ABI3: variants seen among roughly 807,000 people sequenced by gnomAD.
ABI3 encodes ABI family member 3.
ABI3 carries 24 observed loss-of-function variants against 37.0 expected under a neutral mutation model. The ratio of observed to expected loss-of-function variants is 0.65; its 90% CI spans 0.47 to 0.91. ABI3 has a LOEUF of 0.91. Ranked by LOEUF, ABI3 falls within the 40% of genes least tolerant of loss-of-function variation. The pLI is 0.00. For missense variants in ABI3, 481 were observed against 485.1 expected (o/e 0.99, Z 0.08); for synonymous variants, 220 against 211.8 (o/e 1.04, Z -0.34).
At chr17:49,214,791 CCAGTGCCTGGCA>C (rs1418856145) in intron 1 of ABI3, among the ~76,000 whole-genome samples, 2 of 152,220 alleles carry the variant, frequency 1.3e-5, no homozygotes, top group African/African-American at 4.8e-5. Flanking sequence ...GTGACCCTGG[CCAGTGCCTGGCA>C]CAGTGCCTAG....
intron 7 of ABI3, 87 bp from the exon 8 acceptor site, chr17:49,222,465 G>C: frequency 1.3e-6 from 2 of 1,521,942 alleles, no homozygotes; most frequent in South Asian, 2.4e-5. Flanking sequence ...TCTAGTACTT[G>C]AGACCGTGCA....
At chr17:49,220,861 T>C (rs927951146) in intron 6 of ABI3, among the ~76,000 whole-genome samples, 5 of 138,650 alleles carry the variant, frequency 3.6e-5, no homozygotes, top group African/African-American at 5.5e-5. Context: ...ATAATAATAA[T>C]AATAATAATA....
At chr17:49,214,408 C>A (rs774880949) in intron 1 of ABI3, among the ~76,000 whole-genome samples, 1 of 151,952 alleles carries the variant, frequency 6.6e-6, no homozygotes, top group Non-Finnish European at 1.5e-5. Flanking sequence ...GATCTGGGAC[C>A]AACAAAAAAA....
At chr17:49,213,504 A>C (rs2043189994) in intron 1 of ABI3, among the ~76,000 whole-genome samples, 1 of 151,994 alleles carries the variant, frequency 6.6e-6, no homozygotes. Context: ...CACCACCCAG[A>C]TGCTAGGAAA....
intron 1 of ABI3, among the ~76,000 whole-genome samples, chr17:49,215,508 T>C (rs143647659): frequency 4.3e-4 from 66 of 151,966 alleles, no homozygotes; most frequent in African/African-American, 1.5e-3. Context: ...TTTTTTTGGT[T>C]TGATTTTGAG....
In ABI3 at chr17:49,210,876, C is replaced by G. The variant is rs558232443; in HGVS notation, c.117+35C>G. The G allele has an allele frequency of 6.6e-7, 1 of 1,518,290 alleles. No homozygotes were observed. Among genetic ancestry groups the G allele is most frequent in the Non-Finnish European group, 8.9e-7 (1 of 1,119,634 alleles). The allele number at this position is 1,518,290 out of a possible 1,614,324, so 94.1% of individuals were successfully genotyped here. ...GCGGGCGGAAGCCTGACACCCCAGC[C>G]CCCGGAGGGGGGACCCTGAGCCCTG... is the stretch of plus-strand genomic sequence containing the variant. On this transcript the variant is annotated intron_variant, in intron 1 of 7. Transcript: ENST00000225941. This position sits in a 1 kb window ranked among gnomAD's most constrained non-coding sequence, Gnocchi z 4.2.
chr17:49,220,285 A>G lies in ABI3; in HGVS notation c.761A>G (p.Gln254Arg), dbSNP rs760712996. 2.5e-6 allele frequency: 4 copies of G among 1,602,980 alleles called. No individual in the cohort carries two copies. The highest frequency in any genetic ancestry group is 3.4e-6 in the Non-Finnish European group (4 of 1,175,338). ...PPPPAAVEVF[Q>R]RPPTLEELSP... is the part of the protein sequence containing the mutation. ...CCACCAGCAGCCGTCGAGGTGTTCC[A>G]GCGGCCTCCCACGCTGGAGGAGTTG... The change falls in exon 6 of 8, where the codon CAG (glutamine) becomes CGG (arginine). Residue 254 changes from glutamine to arginine, a missense_variant. Transcript: ENST00000225941.
chr17:49,216,498 C>T, intron 1 of ABI3, 33 bp from the exon 2 acceptor site: 3 of 1,480,962 alleles, frequency 2.0e-6, no homozygotes, highest in African/African-American at 1.4e-5. Context: ...GTGGAAGATG[C>T]TGGCCCTTAG....
At position 49,219,135 on chromosome 17, in the gene ABI3, C is replaced by T. The variant is rs1054634231; in HGVS notation, c.463-405C>T. On this transcript the variant is annotated intron_variant, in intron 3 of 7. Transcript: ENST00000225941. This position sits in a 1 kb window ranked among gnomAD's most constrained non-coding sequence, Gnocchi z 4.3. ...CCCCAAAGCCAGTTCCACAAATCTT[C>T]GAAAATGAAAGGTGGGACACTTCTA... is the stretch of plus-strand genomic sequence containing the variant. Among the ~76,000 whole-genome samples, 1 of 152,130 alleles carries T rather than the reference C, an allele frequency of 6.6e-6. No homozygotes were observed. Among genetic ancestry groups the T allele is most frequent in the South Asian group, 2.1e-4 (1 of 4,836 alleles).
intron 3 of ABI3, among the ~76,000 whole-genome samples, chr17:49,218,157 G>A (rs1567883178): frequency 6.6e-6 from 1 of 152,104 alleles, no homozygotes; most frequent in East Asian, 1.9e-4. Flanking sequence ...AGCACCCCTC[G>A]CCCCCCCGCC....
intron 7 of ABI3, 39 bp from the exon 8 acceptor site, chr17:49,222,513 A>G (rs1202454441): frequency 3.1e-6 from 5 of 1,605,602 alleles, no homozygotes; most frequent in Non-Finnish European, 4.3e-6. Context: ...AGAGGGCAAG[A>G]GGCATTATCT....
intron 2 of ABI3, 152 bp downstream of exon 2, chr17:49,216,850 T>G (rs902560125): frequency 1.1e-6 from 1 of 893,736 alleles, no homozygotes; most frequent in Admixed American, 3.9e-5. Context: ...CCCAAGCTTT[T>G]TGGACCTCCT....
At position 49,219,430 on chromosome 17, in the gene ABI3, G is replaced by A; in HGVS notation, c.463-110G>A. The stretch of plus-strand genomic sequence containing the variant: ...AGTGGAAGTGGGAACTGGCTATGCC[G>A]GGCTCTCCCTCCCGGTTCCCGTCCG... On this transcript the variant is annotated intron_variant, in intron 3 of 7. Transcript: ENST00000225941. The surrounding 1 kb of genome is among the most constrained non-coding windows in gnomAD (Gnocchi z 4.3). The A allele has an allele frequency of 1.1e-6, 1 of 930,338 alleles. No homozygotes were observed. Among genetic ancestry groups the A allele is most frequent in the South Asian group, 1.6e-5 (1 of 62,202 alleles). 57.6% of individuals were successfully genotyped at this position (930,338 alleles called of 1,614,324 possible).
chr17:49,219,958 G>T lies in ABI3; in HGVS notation c.644+5G>T, dbSNP rs1319420475. On this transcript the variant is annotated splice_donor_5th_base_variant and intron_variant, in intron 5 of 7. Transcript: ENST00000225941. This position sits in a 1 kb window ranked among gnomAD's most constrained non-coding sequence, Gnocchi z 4.3. Reference sequence around the variant, plus strand: ...GTTTTCCCTGGCCTCGGCCGGGTGAGACCTACAAGCCCACGTGGGTGGGTG... The same window carrying T: ...GTTTTCCCTGGCCTCGGCCGGGTGATACCTACAAGCCCACGTGGGTGGGTG... 1 of 1,487,338 alleles carries T rather than the reference G, an allele frequency of 6.7e-7. No individual in the cohort carries two copies. Among genetic ancestry groups the T allele is most frequent in the Admixed American group, 1.9e-5 (1 of 51,770 alleles). 92.1% of individuals were successfully genotyped at this position (1,487,338 alleles called of 1,614,324 possible).
At chr17:49,213,821 T>C (rs2043193853) in intron 1 of ABI3, among the ~76,000 whole-genome samples, 1 of 151,994 alleles carries the variant, frequency 6.6e-6, no homozygotes, top group Non-Finnish European at 1.5e-5. Context: ...GAAATCTGGG[T>C]GGAGATGAAG....
At chr17:49,216,722 G>A (rs745624664) in intron 2 of ABI3, 24 bp downstream of exon 2, 4 of 1,463,824 alleles carry the variant, frequency 2.7e-6, no homozygotes, top group Non-Finnish European at 2.7e-6. Context: ...GGCGTGGGAA[G>A]GCATCTTGTG....
chr17:49,219,261 G>C lies in ABI3; in HGVS notation c.463-279G>C, dbSNP rs923005065. Among the ~76,000 whole-genome samples the C allele has an allele frequency of 6.6e-6, 1 of 152,134 alleles. No homozygotes were observed. Among genetic ancestry groups the C allele is most frequent in the Admixed American group, 6.5e-5 (1 of 15,280 alleles). ...AGCTTCCTGGGCTCTGAGATGGTCT[G>C]GGGGAGGGACAGGGGTGCTGGGCCC... On this transcript the variant is annotated intron_variant, in intron 3 of 7. Coordinates refer to ENST00000225941, the MANE Select transcript of ABI3 (RefSeq NM_016428.3). This position sits in a 1 kb window ranked among gnomAD's most constrained non-coding sequence, Gnocchi z 4.3.
At position 49,221,376 on chromosome 17, in the gene ABI3, CAGG is replaced by C. The variant is rs1252504973; in HGVS notation, c.803-712_803-710del. 2.0e-5 allele frequency among the ~76,000 whole-genome samples: 3 copies of C among 151,854 alleles called. No homozygotes were observed. The South Asian group carries it at 6.2e-4, about 32-fold the overall frequency. ...GTCCCAGCTACTCGGGAGGCTGAGGCAGGAGAATGGCGTGAACCCGGGAGGTGG... is the reference window on the plus strand; with the variant it reads ...GTCCCAGCTACTCGGGAGGCTGAGGCAGAATGGCGTGAACCCGGGAGGTGG... On this transcript the variant is annotated intron_variant, in intron 6 of 7. Transcript: ENST00000225941.
chr17:49,219,868 C>CTGGCACT lies in ABI3; in HGVS notation c.559_560insTGGCACT (p.Arg187LeufsTer103), dbSNP rs768276754. 14 of 1,544,076 alleles carry CTGGCACT rather than the reference C, an allele frequency of 9.1e-6. No homozygotes were observed. The highest frequency in any genetic ancestry group is 1.9e-5 in the Admixed American group (1 of 51,636). On this transcript the variant is annotated frameshift_variant, in exon 5 of 8. Transcript: ENST00000225941. LOFTEE classifies it high-confidence loss of function. The surrounding 1 kb of genome is among the most constrained non-coding windows in gnomAD (Gnocchi z 4.3). Reference sequence around the variant, plus strand: ...CCTGCCCCCCGCCAGGAGACCACCCCGGATTCCCGAGCCAGTGCACCTGCC... The same window carrying CTGGCACT: ...CCTGCCCCCCGCCAGGAGACCACCCCTGGCACTGGATTCCCGAGCCAGTGCACCTGCC...
Sources: allele counts gnomAD v4.1 joint callset (sites outside exome capture counted in the v4.1 genomes callset), GRCh38; gene constraint gnomAD v4.1.1; non-coding constraint Gnocchi (gnomAD v3.1); transcripts MANE v1.5; gene names NCBI Gene and HGNC (gene_info 2026-07-23, HGNC 2026-07-21).